The following BRINP1 variants were observed in gnomAD, a reference collection of about 807,000 sequenced individuals.
The protein encoded by BRINP1 is BMP/retinoic acid inducible neural specific 1, also known as BMP/retinoic acid-inducible neural-specific protein 1.
Under a neutral mutation model 72.9 loss-of-function variants are expected in BRINP1, and 17 were observed. The ratio of observed to expected loss-of-function variants is 0.23; its 90% CI spans 0.16 to 0.35. The LOEUF (loss-of-function observed/expected upper bound fraction) is 0.35. Ranked by LOEUF, BRINP1 falls within the 10% of genes least tolerant of loss-of-function variation. BRINP1 has a pLI of 1.00. For missense variants in BRINP1, 850 were observed against 1,001.6 expected, an observed-to-expected ratio of 0.85 and a Z score of 2.04; for synonymous variants, 418 against 378.5, an observed-to-expected ratio of 1.10 and a Z score of -1.21.
Position 119,167,243 on chromosome 9 carries a change from A to G in BRINP1, c.2127T>C (p.Pro709=). The G allele has an allele frequency of 6.2e-7, 1 of 1,614,190 alleles. No individual in the cohort carries two copies. Among genetic ancestry groups the G allele is most frequent in the Non-Finnish European group, 8.5e-7 (1 of 1,180,028 alleles). The part of the protein sequence containing the change: ...IRDRINRLAP[P]VAPGKPQLDL... Reference sequence around the variant, plus strand: ...CCAGCTGGGGTTTCCCCGGGGCCACAGGAGGGGCCAGGCGATTAATTCGGT... The same window carrying G: ...CCAGCTGGGGTTTCCCCGGGGCCACGGGAGGGGCCAGGCGATTAATTCGGT... Residue 709 remains proline (P), a synonymous_variant, in exon 8 of 8, where the codon CCT becomes CCC. Transcript: ENST00000265922. This position sits in a 1 kb window ranked among gnomAD's most constrained non-coding sequence, Gnocchi z 4.3.
chr9:119,170,300 C>A (rs927534822), intron 7 of BRINP1, among the ~76,000 whole-genome samples: 13 of 151,830 alleles, frequency 8.6e-5, no homozygotes, highest in Non-Finnish European at 1.6e-4. Flanking sequence ...GCTGATGGAG[C>A]TGAAAACCAA....
rs560730126 is a variant in BRINP1, at chr9:119,325,338, A to C, written c.-50-11933T>G. Among the ~76,000 whole-genome samples, 5 of 152,230 alleles carry C rather than the reference A, an allele frequency of 3.3e-5. No homozygotes were observed. The East Asian group carries it at 9.6e-4, about 29-fold the overall frequency. On this transcript the variant is annotated intron_variant, in intron 1 of 7. Coordinates refer to ENST00000265922, the MANE Select transcript of BRINP1 (RefSeq NM_014618.3). ...TCCTGTCTCCCAGTATTCCCCATCCAAGTAAACCATACAATCTCCCAAATC... is the reference window on the plus strand; with the variant it reads ...TCCTGTCTCCCAGTATTCCCCATCCCAGTAAACCATACAATCTCCCAAATC...
At chr9:119,212,226 T>C (rs920250098) in intron 6 of BRINP1, among the ~76,000 whole-genome samples, 3 of 152,226 alleles carry the variant, frequency 2.0e-5, no homozygotes, top group Admixed American at 6.5e-5. Context: ...CCCTGATGCA[T>C]TCTGGGCTCC....
chr9:119,365,998 C>T (rs1831686997), intron 1 of BRINP1, among the ~76,000 whole-genome samples: 2 of 152,120 alleles, frequency 1.3e-5, no homozygotes, highest in South Asian at 2.1e-4. Context: ...TGAGTGAACT[C>T]GATTCTGACT....
Position 119,303,264 on chromosome 9 carries a change from A to G in BRINP1, c.218+9874T>C, listed in dbSNP as rs145098254. Among the ~76,000 whole-genome samples the G allele has an allele frequency of 3.2e-3, 468 of 144,828 alleles. 4 individuals carry two copies. The highest frequency in any genetic ancestry group is 0.012 in the African/African-American group (451 of 38,100). On this transcript the variant is annotated intron_variant, in intron 2 of 7. Transcript: ENST00000265922. ...TTTGAGGAAAAGCAAAGTTACCTAC[A>G]CCCCCCACCCCCACCACACACACAC... is the stretch of plus-strand genomic sequence containing the variant.
At chr9:119,178,045 G>A (rs886938710) in intron 7 of BRINP1, among the ~76,000 whole-genome samples, 1 of 152,158 alleles carries the variant, frequency 6.6e-6, no homozygotes, top group African/African-American at 2.4e-5. Flanking sequence ...TGGTGTTGGA[G>A]ATGGTGGGGA....
At chr9:119,339,477 C>T (rs573940722) in intron 1 of BRINP1, among the ~76,000 whole-genome samples, 9 of 152,160 alleles carry the variant, frequency 5.9e-5, no homozygotes, top group Non-Finnish European at 1.5e-5. Flanking sequence ...TTGGGTCAAC[C>T]GTATATCATC....
chr9:119,180,631 C>T (rs1306734141), intron 7 of BRINP1, among the ~76,000 whole-genome samples: 1 of 152,142 alleles, frequency 6.6e-6, no homozygotes, highest in Admixed American at 6.5e-5. Context: ...TGAATTATAA[C>T]TGGCCATCAG....
chr9:119,316,383 C>T (rs1001447097), intron 1 of BRINP1, among the ~76,000 whole-genome samples: 13 of 152,316 alleles, frequency 8.5e-5, no homozygotes, highest in Non-Finnish European at 1.3e-4. Flanking sequence ...CCACCGTGCC[C>T]GGCCAACAAC....
chr9:119,220,585 C>G (rs1375814519), intron 5 of BRINP1, among the ~76,000 whole-genome samples: 2 of 151,684 alleles, frequency 1.3e-5, no homozygotes, highest in African/African-American at 4.9e-5. Context: ...CCTAAAGAAA[C>G]AGAGAGGTTA....
At chr9:119,328,166 A>G (rs1023419668) in intron 1 of BRINP1, among the ~76,000 whole-genome samples, 1 of 152,208 alleles carries the variant, frequency 6.6e-6, no homozygotes, top group Non-Finnish European at 1.5e-5. Context: ...AAGCCAGGGG[A>G]GCAGGGGTGT....
chr9:119,299,612 C>CA lies in BRINP1; in HGVS notation c.218+13525dup, dbSNP rs758236349. Among the ~76,000 whole-genome samples the CA allele has an allele frequency of 7.2e-3, 410 of 56,898 alleles. 3 individuals carry two copies. The highest frequency in any genetic ancestry group is 0.033 in the Middle Eastern group (3 of 92). 37.3% of individuals were successfully genotyped at this position (56,898 alleles called of 152,430 possible). On this transcript the variant is annotated intron_variant, in intron 2 of 7. Transcript: ENST00000265922. ...TGGGTGACACGGCGAGACTCCGTCT[C>CA]AAAAAAAAAAAAAAAAAAAGTGAGT...
intron 2 of BRINP1, among the ~76,000 whole-genome samples, chr9:119,281,567 C>T (rs898143366): frequency 1.3e-5 from 2 of 152,122 alleles, no homozygotes; most frequent in African/African-American, 4.8e-5. Flanking sequence ...CGAGTGAGAA[C>T]AAGTCAGCAT....
At chr9:119,340,753 A>G (rs1349758550) in intron 1 of BRINP1, among the ~76,000 whole-genome samples, 1 of 152,172 alleles carries the variant, frequency 6.6e-6, no homozygotes, top group Non-Finnish European at 1.5e-5. Flanking sequence ...TAAACTTGTG[A>G]TTCATGTTCA....
Position 119,338,780 on chromosome 9 carries a change from G to C in BRINP1, c.-50-25375C>G, listed in dbSNP as rs1353247583. Among the ~76,000 whole-genome samples, 4 of 151,672 alleles carry C rather than the reference G, an allele frequency of 2.6e-5. No individual in the cohort carries two copies. The East Asian group carries it at 7.8e-4, about 30-fold the overall frequency. ...CGTGGTGGCGGGCGCCTGTACTCCG[G>C]AGGCTGAGGCAAGAGAATGGTGCGA... On this transcript the variant is annotated intron_variant, in intron 1 of 7. Transcript: ENST00000265922.
At chr9:119,179,914 TC>T (rs1181337897) in intron 7 of BRINP1, among the ~76,000 whole-genome samples, 1 of 152,222 alleles carries the variant, frequency 6.6e-6, no homozygotes, top group Non-Finnish European at 1.5e-5. Context: ...CTGACAGGTC[TC>T]CTGGTGACAC....
chr9:119,292,003 C>T (rs1487909889), intron 2 of BRINP1, among the ~76,000 whole-genome samples: 5 of 152,012 alleles, frequency 3.3e-5, no homozygotes, highest in African/African-American at 9.7e-5. Flanking sequence ...ACTTTATTCC[C>T]GGAGTCAGAA....
At position 119,242,214 on chromosome 9, in the gene BRINP1, C is replaced by T. The variant is rs1290662698; in HGVS notation, c.412G>A (p.Glu138Lys). 2 of 1,613,604 alleles carry T rather than the reference C, an allele frequency of 1.2e-6. No homozygotes were observed. Among genetic ancestry groups the T allele is most frequent in the African/African-American group, 1.3e-5 (1 of 74,864 alleles). Residue 138 changes from glutamate (E) to lysine (K), a missense_variant and splice_region_variant, in exon 4 of 8, where the codon GAG (glutamate) becomes AAG (lysine). Physicochemically the swap from Glu to Lys is moderately conservative, Grantham distance 56. Coordinates refer to ENST00000265922, the MANE Select transcript of BRINP1 (RefSeq NM_014618.3). ...HLLISATLGG[E>K]EALTMYMDKS... Reference sequence around the variant, plus strand: ...TCCATATACATGGTCAAAGCCTCCTCCCCTGGATGGGAAAGAAAAGTAGAT... The same window carrying T: ...TCCATATACATGGTCAAAGCCTCCTTCCCTGGATGGGAAAGAAAAGTAGAT...
intron 2 of BRINP1, among the ~76,000 whole-genome samples, chr9:119,281,409 G>A (rs1180368568): frequency 1.4e-5 from 2 of 142,202 alleles, no homozygotes; most frequent in African/African-American, 5.1e-5. Context: ...AATCACTTAG[G>A]CAGTGTGTAT....
Sources: allele counts gnomAD v4.1 joint callset (sites outside exome capture counted in the v4.1 genomes callset), GRCh38; gene constraint gnomAD v4.1.1; non-coding constraint Gnocchi (gnomAD v3.1); transcripts MANE v1.5; gene names NCBI Gene and HGNC (gene_info 2026-07-23, HGNC 2026-07-21).